TACC2: variants seen among roughly 807,000 people sequenced by gnomAD.
TACC2 encodes the protein transforming acidic coiled-coil containing protein 2.
Under a neutral mutation model 227.3 loss-of-function variants are expected in TACC2, and 137 were observed. The ratio of observed to expected loss-of-function variants is 0.60; its 90% CI spans 0.52 to 0.69. The LOEUF is 0.69. Ranked by LOEUF, TACC2 falls within the 30% of genes least tolerant of loss-of-function variation. The probability of loss-of-function intolerance (pLI) is 0.00; values close to 1 mark genes in which losing one functional copy is unlikely to be tolerated. For missense variants in TACC2, 3,470 were observed against 3,694.4 expected (o/e 0.94, Z 1.57); for synonymous variants, 1,523 against 1,487.5 (o/e 1.02, Z -0.55).
intron 6 of TACC2, 40 bp downstream of exon 6, chr10:122,132,774 G>T: frequency 6.2e-7 from 1 of 1,609,238 alleles, no homozygotes; most frequent in Admixed American, 1.7e-5. Context: ...AGACCTCAGG[G>T]CCCAATCCTT....
chr10:122,099,088 C>T (rs928361849), intron 5 of TACC2, among the ~76,000 whole-genome samples: 4 of 152,142 alleles, frequency 2.6e-5, no homozygotes, highest in African/African-American at 9.7e-5. Context: ...GACAAACCGC[C>T]TCGACAATTT....
intron 1 of TACC2, among the ~76,000 whole-genome samples, chr10:122,012,748 A>T (rs1250522352): frequency 6.6e-6 from 1 of 152,178 alleles, no homozygotes; most frequent in African/African-American, 2.4e-5. Context: ...GGAGCCCCAC[A>T]GAAGTGAACC....
At chr10:122,164,279 C>T (rs1031000921) in intron 7 of TACC2, among the ~76,000 whole-genome samples, 4 of 152,204 alleles carry the variant, frequency 2.6e-5, no homozygotes, top group Admixed American at 2.0e-4. Context: ...TCCTCTGCAC[C>T]CCCGGCACAG....
At chr10:122,003,249 C>T (rs1160183012) in intron 1 of TACC2, among the ~76,000 whole-genome samples, 1 of 151,942 alleles carries the variant, frequency 6.6e-6, no homozygotes, top group Non-Finnish European at 1.5e-5. Flanking sequence ...TCATTAATCG[C>T]TCATTTTTCT....
chr10:122,195,227 TG>T, intron 8 of TACC2, 51 bp downstream of exon 8: 8 of 1,512,430 alleles, frequency 5.3e-6, no homozygotes, highest in South Asian at 3.8e-5. Context: ...TTGTGAGCCC[TG>T]GGGGAGATTT....
chr10:122,082,374 C>T (rs1472443957), intron 3 of TACC2, among the ~76,000 whole-genome samples: 1 of 152,162 alleles, frequency 6.6e-6, no homozygotes, highest in Non-Finnish European at 1.5e-5. Context: ...TGAGTTGCCA[C>T]ATTTCTCTAT....
At chr10:122,019,623 C>T (rs891751243) in intron 1 of TACC2, 8 of 152,258 alleles carry the variant, frequency 5.3e-5, no homozygotes, top group Admixed American at 2.0e-4. Context: ...GTGAAAGGCC[C>T]TGAAACTGAC....
chr10:122,233,236 G>A (rs1161225048), intron 16 of TACC2, among the ~76,000 whole-genome samples: 2 of 152,190 alleles, frequency 1.3e-5, no homozygotes, highest in East Asian at 3.9e-4. Flanking sequence ...GAGTGAACCT[G>A]ACCAAGGTCA....
chr10:122,148,857 A>G (rs1453182415), intron 7 of TACC2, among the ~76,000 whole-genome samples: 1 of 152,202 alleles, frequency 6.6e-6, no homozygotes, highest in Non-Finnish European at 1.5e-5. Context: ...TTTGAGAGGG[A>G]GAAAAGTGAG....
intron 2 of TACC2, among the ~76,000 whole-genome samples, chr10:122,027,893 G>A (rs1011562477): frequency 5.1e-4 from 78 of 151,608 alleles, no homozygotes; most frequent in African/African-American, 1.8e-3. Context: ...ACAGGCGCCT[G>A]TCACCATGCC....
At chr10:122,047,607 G>T (rs2075175105) in intron 2 of TACC2, among the ~76,000 whole-genome samples, 1 of 152,204 alleles carries the variant, frequency 6.6e-6, no homozygotes, top group African/African-American at 2.4e-5. Context: ...GCCCTGTCCT[G>T]GCTCTGGGAT....
At chr10:122,164,007 C>T (rs896914265) in intron 7 of TACC2, 2 of 1,569,908 alleles carry the variant, frequency 1.3e-6, no homozygotes, top group Non-Finnish European at 1.7e-6. Context: ...GTGCTCCGCC[C>T]GGGCCGCCCC....
rs375246983 is a variant in TACC2 at position 122,108,374 on chromosome 10, C to T, written c.5573+19783C>T. ...TTATGGCTGAGTAGTATTCCATGCG[C>T]GCGCGCTCTCTCTTTCTCTCTCTCT... On this transcript the variant is annotated intron_variant, in intron 5 of 22. Coordinates refer to ENST00000369005, the MANE Select transcript of TACC2 (RefSeq NM_206862.4). Among the ~76,000 whole-genome samples, 18 of 141,950 alleles carry T rather than the reference C, an allele frequency of 1.3e-4. No individual in the cohort carries two copies. In the East Asian group the frequency reaches 2.3e-3, roughly 18 times the overall value. The allele number at this position is 141,950 out of a possible 152,430, so 93.1% of individuals were successfully genotyped here. A position where few individuals can be genotyped will look rare whatever the true frequency, so the allele number is the denominator to read the frequency against.
chr10:122,059,028 G>C (rs2076496951), intron 3 of TACC2, among the ~76,000 whole-genome samples: 1 of 150,068 alleles, frequency 6.7e-6, no homozygotes, highest in Non-Finnish European at 1.5e-5. Context: ...GAGTAGCTGG[G>C]ATTACAGGCG....
chr10:122,137,284 TAA>T (rs112823591), intron 6 of TACC2, among the ~76,000 whole-genome samples: 8 of 139,968 alleles, frequency 5.7e-5, no homozygotes, highest in Non-Finnish European at 7.8e-5. Context: ...GTATTTTCAT[TAA>T]AAAAAAAAAA....
chr10:122,151,229 C>G (rs910448506), intron 7 of TACC2, among the ~76,000 whole-genome samples: 1 of 152,118 alleles, frequency 6.6e-6, no homozygotes, highest in Non-Finnish European at 1.5e-5. Context: ...CTGATAAACT[C>G]TCCAATAGAG....
rs1391841597 is a variant in TACC2 at position 122,194,397 on chromosome 10, C to G, written c.5835-643C>G. Among the ~76,000 whole-genome samples the G allele has an allele frequency of 6.6e-6, 1 of 152,148 alleles. No individual in the cohort carries two copies. The highest frequency in any genetic ancestry group is 1.5e-5 in the Non-Finnish European group (1 of 68,032). ...TTTTCACTGTGTCGGGGTTGGTGGCCGTGCTTTGTGTCTTGGTCTGATGCA... is the reference window on the plus strand; with the variant it reads ...TTTTCACTGTGTCGGGGTTGGTGGCGGTGCTTTGTGTCTTGGTCTGATGCA... On this transcript the variant is annotated intron_variant, in intron 7 of 22. Coordinates refer to ENST00000369005, the MANE Select transcript of TACC2 (RefSeq NM_206862.4). The surrounding 1 kb of genome is among the most constrained non-coding windows in gnomAD (Gnocchi z 4.4).
At chr10:122,054,100 C>T (rs1467818753) in intron 3 of TACC2, among the ~76,000 whole-genome samples, 2 of 152,198 alleles carry the variant, frequency 1.3e-5, no homozygotes, top group Non-Finnish European at 2.9e-5. Flanking sequence ...TGTTTCTCCT[C>T]GAGGCTCTTC....
intron 7 of TACC2, among the ~76,000 whole-genome samples, chr10:122,176,274 G>A (rs995514623): frequency 6.6e-6 from 1 of 152,114 alleles, no homozygotes; most frequent in Admixed American, 6.6e-5. Flanking sequence ...AAACTCAGAG[G>A]TCTGGCTCTT....
Sources: gnomAD v4.1 joint callset for allele counts (sites outside exome capture counted in the v4.1 genomes callset) on GRCh38, gnomAD v4.1.1 for gene constraint, Gnocchi (gnomAD v3.1) non-coding constraint, MANE v1.5 for transcripts, NCBI Gene and HGNC (gene_info 2026-07-23, HGNC 2026-07-21) for gene names.